TMCC1: variants seen among roughly 807,000 people sequenced by gnomAD.
TMCC1 encodes transmembrane and coiled-coil domain family 1.
TMCC1 carries 15 observed loss-of-function variants against 52.4 expected under a neutral mutation model. The ratio of observed to expected loss-of-function variants is 0.29; its 90% CI spans 0.19 to 0.44. The LOEUF is 0.44. Ranked by LOEUF, TMCC1 falls within the 20% of genes least tolerant of loss-of-function variation. The pLI is 1.00. For synonymous variants in TMCC1, 279 were observed against 301.9 expected (o/e 0.92, Z 0.79); for missense variants, 503 against 806.0 (o/e 0.62, Z 4.55).
At chr3:129,744,494 C>T (rs1042622244) in intron 4 of TMCC1, among the ~76,000 whole-genome samples, 3 of 152,006 alleles carry the variant, frequency 2.0e-5, no homozygotes, top group Non-Finnish European at 2.9e-5. Flanking sequence ...CTATGTTGCC[C>T]AGGCTGGTCT....
chr3:129,726,895 A>AAAAAAAAAAAAAAT (rs1208458810), intron 4 of TMCC1, among the ~76,000 whole-genome samples: 1 of 143,720 alleles, frequency 7.0e-6, no homozygotes, highest in Non-Finnish European at 1.5e-5. Context: ...AAAAAAAAAA[A>AAAAAAAAAAAAAAT]AAAGAACCAC....
At chr3:129,662,507 T>C (rs1471094436) in intron 5 of TMCC1, among the ~76,000 whole-genome samples, 2 of 152,058 alleles carry the variant, frequency 1.3e-5, no homozygotes, top group African/African-American at 4.8e-5. Context: ...GGCTTGGTAG[T>C]GCATGCCTGT....
chr3:129,734,885 CTT>C (rs1173418507), intron 4 of TMCC1, among the ~76,000 whole-genome samples: 2 of 151,056 alleles, frequency 1.3e-5, no homozygotes, highest in Non-Finnish European at 3.0e-5. Context: ...CCATTAATCT[CTT>C]TATTTTTCTG....
intron 2 of TMCC1, among the ~76,000 whole-genome samples, chr3:129,843,030 TA>T (rs145374865): frequency 6.6e-6 from 1 of 151,902 alleles, no homozygotes; most frequent in Non-Finnish European, 1.5e-5. Context: ...CTTGGCACAG[TA>T]AAAAAAGAAC....
intron 2 of TMCC1, among the ~76,000 whole-genome samples, chr3:129,877,712 T>C (rs1422096975): frequency 7.1e-6 from 1 of 141,374 alleles, no homozygotes; most frequent in African/African-American, 2.6e-5. Context: ...CATTGCAACC[T>C]CCACCTCCCA....
At chr3:129,703,221 C>T (rs2047974830) in intron 4 of TMCC1, among the ~76,000 whole-genome samples, 1 of 152,048 alleles carries the variant, frequency 6.6e-6, no homozygotes, top group Admixed American at 6.5e-5. Context: ...CCATCTGACT[C>T]GAAGAGATGT....
chr3:129,807,854 T>C (rs2057551381), intron 4 of TMCC1, among the ~76,000 whole-genome samples: 1 of 152,036 alleles, frequency 6.6e-6, no homozygotes, highest in Non-Finnish European at 1.5e-5. Flanking sequence ...AGTGTACATT[T>C]CAAGAAAAGA....
At chr3:129,674,847 CT>C (rs921935044) in intron 4 of TMCC1, among the ~76,000 whole-genome samples, 5 of 150,158 alleles carry the variant, frequency 3.3e-5, no homozygotes, top group Non-Finnish European at 5.9e-5. Context: ...GATTTCTCTT[CT>C]TTTTTTTTTG....
intron 2 of TMCC1, among the ~76,000 whole-genome samples, chr3:129,866,366 A>T (rs1193501913): frequency 1.7e-5 from 2 of 121,032 alleles, no homozygotes; most frequent in Non-Finnish European, 3.5e-5. Flanking sequence ...TATATATTTT[A>T]TATATATATA....
chr3:129,774,734 G>C (rs1402730769), intron 4 of TMCC1, among the ~76,000 whole-genome samples: 4 of 152,288 alleles, frequency 2.6e-5, no homozygotes, highest in African/African-American at 9.6e-5. Context: ...TAGGCAATGG[G>C]AAGACCAGGA....
At chr3:129,777,751 G>C (rs181002807) in intron 4 of TMCC1, among the ~76,000 whole-genome samples, 186 of 152,230 alleles carry the variant, frequency 1.2e-3, no homozygotes, top group South Asian at 2.5e-3. Flanking sequence ...AGAGTCAAGA[G>C]GTTTGCCTGT....
chr3:129,722,306 T>A (rs1322448809), intron 4 of TMCC1, among the ~76,000 whole-genome samples: 4 of 152,106 alleles, frequency 2.6e-5, no homozygotes, highest in Admixed American at 2.0e-4. Flanking sequence ...TTGCGAGGGA[T>A]CTAGGTTGCA....
intron 1 of TMCC1, among the ~76,000 whole-genome samples, chr3:129,892,938 C>G (rs2062041574): frequency 6.6e-6 from 1 of 152,224 alleles, no homozygotes; most frequent in Non-Finnish European, 1.5e-5. Context: ...AGCTCCTCCT[C>G]ACATCCCACC....
chr3:129,866,377 T>A (rs868481229), intron 2 of TMCC1, among the ~76,000 whole-genome samples: 1 of 142,708 alleles, frequency 7.0e-6, no homozygotes, highest in East Asian at 2.0e-4. Flanking sequence ...TATATATATA[T>A]GTTTTTTTTT....
At chr3:129,887,538 C>T (rs1027446637) in intron 1 of TMCC1, among the ~76,000 whole-genome samples, 18 of 141,122 alleles carry the variant, frequency 1.3e-4, no homozygotes, top group African/African-American at 4.9e-4. Context: ...AAGACTCCGT[C>T]TCTCAAAAAA....
At chr3:129,883,767 C>T (rs1292225700) in intron 1 of TMCC1, among the ~76,000 whole-genome samples, 1 of 151,978 alleles carries the variant, frequency 6.6e-6, no homozygotes, top group African/African-American at 2.4e-5. Context: ...TCACTTGAGG[C>T]CAGGAGTTCA....
chr3:129,828,615 C>A lies in TMCC1; in HGVS notation c.-130-107G>T. On this transcript the variant is annotated intron_variant, in intron 3 of 6. Coordinates refer to ENST00000393238, the MANE Select transcript of TMCC1 (RefSeq NM_001017395.5). This position sits in a 1 kb window ranked among gnomAD's most constrained non-coding sequence, Gnocchi z 4.1. ...AAAGAAAAACATGCTACTGGCCAAA[C>A]AAATAGGCACTATCATTAAGCAATC... 1 of 444,310 alleles carries A rather than the reference C, an allele frequency of 2.3e-6. No individual in the cohort carries two copies. The highest frequency in any genetic ancestry group is 4.0e-6 in the Non-Finnish European group (1 of 252,604). 27.5% of individuals were successfully genotyped at this position (444,310 alleles called of 1,614,324 possible).
intron 4 of TMCC1, among the ~76,000 whole-genome samples, chr3:129,709,042 A>G (rs2048448297): frequency 6.6e-6 from 1 of 152,198 alleles, no homozygotes. Context: ...AATGCTAAGG[A>G]GGCTGAAATT....
At chr3:129,837,540 A>G (rs2059217858) in intron 2 of TMCC1, among the ~76,000 whole-genome samples, 1 of 152,234 alleles carries the variant, frequency 6.6e-6, no homozygotes, top group South Asian at 2.1e-4. Context: ...GACTTGCAGG[A>G]AACTAGCAGT....
Sources: gnomAD v4.1 joint callset for allele counts (sites outside exome capture counted in the v4.1 genomes callset) on GRCh38, gnomAD v4.1.1 for gene constraint, Gnocchi (gnomAD v3.1) non-coding constraint, MANE v1.5 for transcripts, NCBI Gene and HGNC (gene_info 2026-07-23, HGNC 2026-07-21) for gene names.